Variants in SMCO4 observed in about 807,000 individuals in gnomAD.
The protein encoded by SMCO4 is single-pass membrane protein with coiled-coil domains 4, also known as single-pass membrane and coiled-coil domain-containing protein 4.
SMCO4 carries 4 observed loss-of-function variants against 3.6 expected under a neutral mutation model. That is an observed-to-expected ratio of 1.11 (90% CI 0.54 to 2.53). The LOEUF (loss-of-function observed/expected upper bound fraction) is 2.53, where lower values mean the gene tolerates loss of function less well. Among genes scored for constraint, SMCO4 ranks in the 30% most tolerant of loss-of-function variants. The pLI is 0.02. For synonymous variants in SMCO4, 36 were observed against 35.3 expected (o/e 1.02, Z -0.07); for missense variants, 70 against 80.8 (o/e 0.87, Z 0.51).
At chr11:93,518,189 G>C (rs1170729328) in intron 1 of SMCO4, among the ~76,000 whole-genome samples, 1 of 152,160 alleles carries the variant, frequency 6.6e-6, no homozygotes. Context: ...TGTATAAATG[G>C]AATCATATAA....
chr11:93,552,532 C>T, the SMCO4 span, among the ~76,000 whole-genome samples: 3 of 150,728 alleles, frequency 2.0e-5, no homozygotes, highest in South Asian at 2.1e-4. Flanking sequence ...AGTACAATGG[C>T]GTGATCTCGG....
intron 1 of SMCO4, among the ~76,000 whole-genome samples, chr11:93,503,633 A>T (rs545049301): frequency 1.3e-5 from 2 of 152,354 alleles, no homozygotes; most frequent in South Asian, 4.1e-4. Flanking sequence ...TAGATTACAC[A>T]CACACAAACA....
chr11:93,546,558 A>G (rs1949317005), upstream of SMCO4, among the ~76,000 whole-genome samples: 2 of 152,210 alleles, frequency 1.3e-5, no homozygotes, highest in South Asian at 4.1e-4. Context: ...CCACCACCTC[A>G]TTTTACAGAT....
intron 1 of SMCO4, among the ~76,000 whole-genome samples, chr11:93,502,644 T>C (rs867241058): frequency 1.3e-5 from 2 of 152,186 alleles, no homozygotes; most frequent in African/African-American, 4.8e-5. Flanking sequence ...TTAAGTGGCT[T>C]AAAACTATAC....
intron 1 of SMCO4, among the ~76,000 whole-genome samples, chr11:93,518,702 TAAGAG>T (rs1949031107): frequency 6.6e-6 from 1 of 152,174 alleles, no homozygotes; most frequent in South Asian, 2.1e-4. Context: ...TTTGAAAGGC[TAAGAG>T]AAAAGATATG....
chr11:93,547,936 T>C (rs1227601011), upstream of SMCO4, among the ~76,000 whole-genome samples: 1 of 152,198 alleles, frequency 6.6e-6, no homozygotes, highest in African/African-American at 2.4e-5. Flanking sequence ...GGATAAATTA[T>C]GCAAGTAATG....
chr11:93,545,980 G>A (rs1054457484), upstream of SMCO4, among the ~76,000 whole-genome samples: 1 of 152,232 alleles, frequency 6.6e-6, no homozygotes, highest in Non-Finnish European at 1.5e-5. Flanking sequence ...CAGCCCACCA[G>A]CTCTCAGCCA....
chr11:93,499,448 T>C (rs1304509018), intron 1 of SMCO4, 100 bp from the exon 2 acceptor site: 2 of 152,160 alleles, frequency 1.3e-5, no homozygotes, highest in African/African-American at 4.8e-5. Context: ...GAGAGGGCAG[T>C]CACACGGTTC....
At chr11:93,491,107 T>C (rs150192072) in intron 2 of SMCO4, among the ~76,000 whole-genome samples, 1 of 152,356 alleles carries the variant, frequency 6.6e-6, no homozygotes, top group African/African-American at 2.4e-5. Context: ...CATTTGCTAT[T>C]CAAATAGGTA....
intron 1 of SMCO4, among the ~76,000 whole-genome samples, chr11:93,511,478 A>C (rs1300066740): frequency 6.6e-6 from 1 of 152,162 alleles, no homozygotes; most frequent in Non-Finnish European, 1.5e-5. Context: ...TGGAGTTTGC[A>C]CATTCTCTCC....
the SMCO4 span, among the ~76,000 whole-genome samples, chr11:93,551,417 C>T: frequency 6.6e-6 from 1 of 152,168 alleles, no homozygotes; most frequent in African/African-American, 2.4e-5. Flanking sequence ...AGAAGTGCAA[C>T]TTCTCGGTGC....
chr11:93,492,282 C>T (rs1292916875), intron 2 of SMCO4, among the ~76,000 whole-genome samples: 3 of 152,188 alleles, frequency 2.0e-5, no homozygotes, highest in Non-Finnish European at 4.4e-5. Context: ...TGAGCACCTA[C>T]CACGTGCCAC....
At chr11:93,545,784 C>T (rs772699614), upstream of SMCO4, among the ~76,000 whole-genome samples, 1 of 152,140 alleles carries the variant, frequency 6.6e-6, no homozygotes, top group Non-Finnish European at 1.5e-5. Context: ...CTGGAGTTGG[C>T]CTTGTGACTT....
intron 1 of SMCO4, among the ~76,000 whole-genome samples, chr11:93,517,246 G>A (rs1368969649): frequency 1.3e-5 from 2 of 152,164 alleles, no homozygotes; most frequent in Non-Finnish European, 2.9e-5. Flanking sequence ...CAAGCATGAA[G>A]CAGAGAGCTC....
the SMCO4 span, among the ~76,000 whole-genome samples, chr11:93,550,961 G>A: frequency 2.0e-5 from 3 of 152,134 alleles, no homozygotes; most frequent in East Asian, 1.9e-4. Flanking sequence ...TATCAACTAT[G>A]TCTTTTTCCC....
At chr11:93,480,735 G>C (rs1948582526) in intron 2 of SMCO4, among the ~76,000 whole-genome samples, 1 of 152,172 alleles carries the variant, frequency 6.6e-6, no homozygotes, top group South Asian at 2.1e-4. Flanking sequence ...GGAGGAAGAT[G>C]ACATTTACAC....
chr11:93,479,531 T>G (rs1478577567), intron 2 of SMCO4, among the ~76,000 whole-genome samples: 1 of 152,154 alleles, frequency 6.6e-6, no homozygotes, highest in East Asian at 1.9e-4. Context: ...AATACTGTGT[T>G]CTGTACATGC....
the SMCO4 span, among the ~76,000 whole-genome samples, chr11:93,551,804 G>A: frequency 1.2e-4 from 18 of 152,322 alleles, no homozygotes; most frequent in Admixed American, 1.0e-3. Flanking sequence ...CATCTGATGT[G>A]AAATAAGAGC....
In SMCO4 at chr11:93,506,909, T is replaced by G. The variant is rs550448199; in HGVS notation, c.-153-7561A>C. Among the ~76,000 whole-genome samples, 50 of 152,358 alleles carry G rather than the reference T, an allele frequency of 3.3e-4. No homozygotes were observed. The East Asian group carries it at 8.5e-3, about 26-fold the overall frequency. On this transcript the variant is annotated intron_variant, in intron 1 of 2. Transcript: ENST00000298966. ...GGTTGTCTTTGGGAAGAAAAAGTAC[T>G]TGTGTGACTGAGCTGCAAGCTTAGC...
Sources: allele counts gnomAD v4.1 joint callset (sites outside exome capture counted in the v4.1 genomes callset), GRCh38; gene constraint gnomAD v4.1.1; transcripts MANE v1.5; gene names NCBI Gene and HGNC (gene_info 2026-07-23, HGNC 2026-07-21).